The following PPP6R3 variants were observed in gnomAD, a reference collection of about 807,000 sequenced individuals.
The protein encoded by PPP6R3 is serine/threonine-protein phosphatase 6 regulatory subunit 3.
A neutral mutation model predicts 110.7 loss-of-function variants in PPP6R3; 38 were observed. That is an observed-to-expected ratio of 0.34 (90% CI 0.26 to 0.45). PPP6R3 has a LOEUF of 0.45. Among genes scored for constraint, PPP6R3 ranks in the 20% least tolerant of loss-of-function variants. The pLI is 1.00. For missense variants in PPP6R3, 870 were observed against 1,062.4 expected (o/e 0.82, Z 2.52); for synonymous variants, 369 against 373.5 (o/e 0.99, Z 0.14).
intron 1 of PPP6R3, 133 bp downstream of exon 1, chr11:68,460,960 C>G (rs1379724230): frequency 2.6e-5 from 4 of 151,878 alleles, no homozygotes; most frequent in African/African-American, 7.2e-5. Flanking sequence ...CCCCTCCCCC[C>G]CCGGAATTCG....
chr11:68,497,160 C>T (rs2099022121), intron 1 of PPP6R3, among the ~76,000 whole-genome samples: 1 of 151,918 alleles, frequency 6.6e-6, no homozygotes, highest in Admixed American at 6.6e-5. Context: ...CATTCTCCTG[C>T]CTCAGCCTCC....
chr11:68,571,230 C>T (rs1421608332), intron 12 of PPP6R3, 126 bp downstream of exon 12: 1 of 1,244,998 alleles, frequency 8.0e-7, no homozygotes. Flanking sequence ...ACAATTTAAA[C>T]TTTTCCCCAG....
At chr11:68,598,381 T>C (rs960978014) in intron 19 of PPP6R3, among the ~76,000 whole-genome samples, 7 of 152,222 alleles carry the variant, frequency 4.6e-5, no homozygotes, top group African/African-American at 1.7e-4. Flanking sequence ...CTGCTGTGAC[T>C]GTGGGCCTGG....
rs1944947821 is a variant in PPP6R3 at position 68,614,884 on chromosome 11, G to A, written c.*1767G>A. On this transcript the variant is annotated 3_prime_UTR_variant, in exon 24 of 24. Coordinates refer to ENST00000393800, the MANE Select transcript of PPP6R3 (RefSeq NM_001164161.2). ...CTCGGGGATTACTGGTAGATAATAT[G>A]CTCTGGTCTCGCCTGGTGGTGAGTT... is the stretch of plus-strand genomic sequence containing the variant. 1.1e-6 allele frequency: 1 copy of A among 879,174 alleles called. No homozygotes were observed. Among genetic ancestry groups the A allele is most frequent in the Admixed American group, 2.0e-5 (1 of 49,350 alleles). The allele number at this position is 879,174 out of a possible 1,614,324, so 54.5% of individuals were successfully genotyped here.
intron 23 of PPP6R3, among the ~76,000 whole-genome samples, chr11:68,610,949 G>A (rs752893030): frequency 1.3e-5 from 2 of 149,118 alleles, no homozygotes; most frequent in Non-Finnish European, 3.0e-5. Context: ...TGTATTCACA[G>A]TGTAGCAAGC....
At chr11:68,568,649 A>G (rs542973140) in intron 10 of PPP6R3, among the ~76,000 whole-genome samples, 33 of 152,284 alleles carry the variant, frequency 2.2e-4, no homozygotes, top group African/African-American at 7.7e-4. Context: ...GAGTTGAGTC[A>G]TGAGCACCTC....
At chr11:68,571,518 G>C (rs1285296404) in intron 12 of PPP6R3, among the ~76,000 whole-genome samples, 1 of 152,188 alleles carries the variant, frequency 6.6e-6, no homozygotes, top group Non-Finnish European at 1.5e-5. Context: ...TTTGTACAGG[G>C]ACCTAGAGGA....
intron 1 of PPP6R3, among the ~76,000 whole-genome samples, chr11:68,491,274 A>AT (rs1284372988): frequency 1.3e-5 from 2 of 149,376 alleles, no homozygotes; most frequent in Non-Finnish European, 3.0e-5. Flanking sequence ...TTTATTAAAA[A>AT]TTTTTTTTTC....
intron 1 of PPP6R3, 104 bp from the exon 2 acceptor site, chr11:68,519,397 A>T (rs17601605): frequency 0.027 from 10,529 of 388,402 alleles, 179 homozygotes; most frequent in Non-Finnish European, 0.034. Flanking sequence ...CCTGTGGTAT[A>T]GTTCTGTGTG....
rs565997630 is a variant in PPP6R3, at chr11:68,526,788, A to G, written c.-7+7137A>G. ...GTAGTAGAAATAACCCATGCTTTGC[A>G]TATACTTGGACTGAAGTTTTTGAAA... On this transcript the variant is annotated intron_variant, in intron 2 of 23. Coordinates refer to ENST00000393800, the MANE Select transcript of PPP6R3 (RefSeq NM_001164161.2). 6.6e-5 allele frequency among the ~76,000 whole-genome samples: 10 copies of G among 152,350 alleles called. No individual in the cohort carries two copies. The East Asian group carries it at 1.9e-3, about 29-fold the overall frequency.
chr11:68,575,395 G>A (rs2099526801), intron 13 of PPP6R3, among the ~76,000 whole-genome samples: 1 of 152,056 alleles, frequency 6.6e-6, no homozygotes, highest in South Asian at 2.1e-4. Flanking sequence ...GTGTATCCAC[G>A]TTGGCCCATG....
intron 2 of PPP6R3, among the ~76,000 whole-genome samples, chr11:68,530,521 A>T (rs974596302): frequency 6.6e-6 from 1 of 152,198 alleles, no homozygotes; most frequent in African/African-American, 2.4e-5. Context: ...CTTCTACTAG[A>T]AATATCTTAT....
At chr11:68,591,028 G>T (rs1339628562) in intron 17 of PPP6R3, among the ~76,000 whole-genome samples, 1 of 152,154 alleles carries the variant, frequency 6.6e-6, no homozygotes, top group Non-Finnish European at 1.5e-5. Context: ...TGCCAGGAGA[G>T]AAATGTGGAC....
chr11:68,606,748 G>A (rs947934277), intron 22 of PPP6R3, among the ~76,000 whole-genome samples: 26 of 152,222 alleles, frequency 1.7e-4, no homozygotes, highest in African/African-American at 6.3e-4. Flanking sequence ...TTCATTGCCA[G>A]TGTTAGGCAG....
chr11:68,573,114 T>TTTTATATATATATATATA (rs1397314086), intron 12 of PPP6R3, among the ~76,000 whole-genome samples: 3 of 61,798 alleles, frequency 4.9e-5, no homozygotes, highest in East Asian at 1.8e-3. Context: ...TTTACTTATT[T>TTTTATATATATATATATA]TATATATATA....
At chr11:68,511,723 C>T (rs2099111273) in intron 1 of PPP6R3, among the ~76,000 whole-genome samples, 1 of 148,780 alleles carries the variant, frequency 6.7e-6, no homozygotes. Flanking sequence ...TCAGATGATC[C>T]ACCCGCCTCG....
intron 12 of PPP6R3, 71 bp downstream of exon 12, chr11:68,571,175 C>CT (rs781090425): frequency 2.3e-5 from 35 of 1,506,994 alleles, no homozygotes; most frequent in Non-Finnish European, 2.6e-5. Context: ...CCTCCTTGCC[C>CT]TAGTCAGAAA....
chr11:68,564,995 A>G (rs1018480515), intron 9 of PPP6R3, among the ~76,000 whole-genome samples: 1 of 152,198 alleles, frequency 6.6e-6, no homozygotes, highest in Non-Finnish European at 1.5e-5. Flanking sequence ...GGATTGATAC[A>G]GATTTAGATT....
intron 2 of PPP6R3, among the ~76,000 whole-genome samples, chr11:68,536,526 A>G (rs1467460206): frequency 6.6e-6 from 1 of 152,202 alleles, no homozygotes; most frequent in Non-Finnish European, 1.5e-5. Context: ...TGTGCCTGCC[A>G]AAGTGCCAGG....
Sources: allele counts gnomAD v4.1 joint callset (sites outside exome capture counted in the v4.1 genomes callset), GRCh38; gene constraint gnomAD v4.1.1; transcripts MANE v1.5; gene names NCBI Gene and HGNC (gene_info 2026-07-23, HGNC 2026-07-21).